Variants in TTC28 observed in about 807,000 individuals in gnomAD.
The protein encoded by TTC28 is tetratricopeptide repeat protein 28.
Under a neutral mutation model 198.0 loss-of-function variants are expected in TTC28, and 61 were observed. The ratio of observed to expected loss-of-function variants is 0.31; its 90% confidence interval spans 0.25 to 0.38. The LOEUF is 0.38. Among genes scored for constraint, TTC28 ranks in the 10% least tolerant of loss-of-function variants. The pLI is 1.00. For missense variants in TTC28, 2,678 were observed against 3,164.0 expected (o/e 0.85, Z 3.69); for synonymous variants, 1,171 against 1,297.8 (o/e 0.90, Z 2.10).
chr22:28,336,542 C>A (rs1420032412), intron 2 of TTC28, among the ~76,000 whole-genome samples: 3 of 152,118 alleles, frequency 2.0e-5, no homozygotes, highest in African/African-American at 4.8e-5. Flanking sequence ...TTCAGAGATT[C>A]AACTTCTTCC....
At chr22:28,604,822 T>C (rs989208063) in intron 2 of TTC28, among the ~76,000 whole-genome samples, 2 of 152,150 alleles carry the variant, frequency 1.3e-5, no homozygotes, top group Non-Finnish European at 2.9e-5. Context: ...TAGAAACCTT[T>C]AAAAGTTGTG....
At chr22:27,985,530 G>T (rs1477544058) in intron 21 of TTC28, among the ~76,000 whole-genome samples, 174 bp from the exon 22 acceptor site, 1 of 152,212 alleles carries the variant, frequency 6.6e-6, no homozygotes, top group Non-Finnish European at 1.5e-5. Flanking sequence ...GTGGCAGAGG[G>T]GTCGGGCTGC....
chr22:28,009,224 A>G (rs573006453), intron 14 of TTC28, among the ~76,000 whole-genome samples: 1 of 152,198 alleles, frequency 6.6e-6, no homozygotes, highest in Non-Finnish European at 1.5e-5. Flanking sequence ...GGCCAAATTA[A>G]ATCACATACT....
intron 2 of TTC28, among the ~76,000 whole-genome samples, chr22:28,371,581 CAAAAAAAAAA>C (rs147727536): frequency 0.021 from 677 of 32,640 alleles, 68 homozygotes; most frequent in African/African-American, 0.077. Context: ...TCATCTTAAC[CAAAAAAAAAA>C]AAAAAAATTT....
chr22:28,284,332 C>A (rs1381057499), intron 5 of TTC28, among the ~76,000 whole-genome samples: 1 of 152,104 alleles, frequency 6.6e-6, no homozygotes, highest in Non-Finnish European at 1.5e-5. Context: ...AGTGCTGTAA[C>A]TAAGGGATCA....
intron 5 of TTC28, among the ~76,000 whole-genome samples, chr22:28,212,342 G>C (rs2147183008): frequency 6.6e-6 from 1 of 151,262 alleles, no homozygotes; most frequent in African/African-American, 2.4e-5. Context: ...CCAGGAGCTG[G>C]TTTTTTGAAA....
intron 2 of TTC28, among the ~76,000 whole-genome samples, chr22:28,330,884 T>C (rs910652526): frequency 1.3e-4 from 20 of 152,218 alleles, no homozygotes; most frequent in Admixed American, 1.3e-3. Context: ...AATGTGGGTC[T>C]TCCCCAGCTT....
At chr22:27,999,371 T>C (rs1937613943) in intron 15 of TTC28, 111 bp from the exon 16 acceptor site, 4 of 1,405,884 alleles carry the variant, frequency 2.8e-6, no homozygotes, top group Admixed American at 2.8e-5. Context: ...TGAGCTTGAA[T>C]CCACCTGTTT....
chr22:28,363,985 G>C (rs1041310909), intron 2 of TTC28, among the ~76,000 whole-genome samples: 1 of 152,098 alleles, frequency 6.6e-6, no homozygotes, highest in Non-Finnish European at 1.5e-5. Flanking sequence ...GTGGACTTTT[G>C]AGTTAATACT....
rs1016734250 is a variant in TTC28, at chr22:28,084,297, C to A, written c.3932+9783G>T. On this transcript the variant is annotated intron_variant, in intron 12 of 22. Coordinates refer to ENST00000397906, the MANE Select transcript of TTC28 (RefSeq NM_001145418.2). The stretch of plus-strand genomic sequence containing the variant: ...GACTGATACCTCACATGGCTGGGTA[C>A]TCCTCTGAGACAAAACTTCCAGAGG... Among the ~76,000 whole-genome samples, 13 of 152,316 alleles carry A rather than the reference C, an allele frequency of 8.5e-5. 1 individual carries two copies. Among genetic ancestry groups the A allele is most frequent in the African/African-American group, 3.1e-4 (13 of 41,582 alleles).
intron 2 of TTC28, among the ~76,000 whole-genome samples, chr22:28,368,949 T>A (rs890092784): frequency 2.0e-5 from 3 of 152,028 alleles, no homozygotes; most frequent in African/African-American, 7.2e-5. Flanking sequence ...TCAATATTGT[T>A]AAAATGTCCA....
At chr22:28,553,869 G>A (rs370235299) in intron 2 of TTC28, among the ~76,000 whole-genome samples, 1 of 152,276 alleles carries the variant, frequency 6.6e-6, no homozygotes. Context: ...CCGTCTGGGA[G>A]GTGTGCCCAG....
At chr22:28,469,349 T>C (rs562851719) in intron 2 of TTC28, among the ~76,000 whole-genome samples, 1 of 152,308 alleles carries the variant, frequency 6.6e-6, no homozygotes, top group African/African-American at 2.4e-5. Context: ...GAAAGAAAAG[T>C]AGCAGTAAGA....
At chr22:28,334,691 A>C (rs1194035372) in intron 2 of TTC28, among the ~76,000 whole-genome samples, 1 of 152,116 alleles carries the variant, frequency 6.6e-6, no homozygotes, top group Non-Finnish European at 1.5e-5. Context: ...CCACTTGTTA[A>C]TGGGGTTATT....
At chr22:28,663,255 AAAAAAAAAGAAAG>A (rs1164540093) in intron 1 of TTC28, among the ~76,000 whole-genome samples, 1 of 151,864 alleles carries the variant, frequency 6.6e-6, no homozygotes, top group Non-Finnish European at 1.5e-5. Context: ...CTCAAAAAAA[AAAAAAAAAGAAAG>A]AAAGAAAGAA....
At chr22:28,509,191 CAAA>C (rs796909640) in intron 2 of TTC28, among the ~76,000 whole-genome samples, 7 of 96,668 alleles carry the variant, frequency 7.2e-5, no homozygotes, top group East Asian at 3.2e-4. Context: ...ATTCTGCCTT[CAAA>C]AAAAAAAAAA....
intron 2 of TTC28, among the ~76,000 whole-genome samples, chr22:28,480,766 GAAAAAAATACAGA>G: frequency 6.6e-6 from 1 of 151,532 alleles, no homozygotes; most frequent in East Asian, 1.9e-4. Flanking sequence ...AACCAAGAAG[GAAAAAAATACAGA>G]AAAAAAATAC....
chr22:28,527,370 T>C (rs1165642424), intron 2 of TTC28, among the ~76,000 whole-genome samples: 2 of 152,210 alleles, frequency 1.3e-5, no homozygotes, highest in Non-Finnish European at 2.9e-5. Context: ...CATGCATTAA[T>C]GCCGCCTCTT....
chr22:28,441,281 A>C (rs1004377682), intron 2 of TTC28, among the ~76,000 whole-genome samples: 2 of 152,208 alleles, frequency 1.3e-5, no homozygotes, highest in African/African-American at 4.8e-5. Flanking sequence ...GACATCTTAA[A>C]ACTACTCATA....
Sources: allele counts gnomAD v4.1 joint callset (sites outside exome capture counted in the v4.1 genomes callset), GRCh38; gene constraint gnomAD v4.1.1; transcripts MANE v1.5; gene names NCBI Gene and HGNC (gene_info 2026-07-23, HGNC 2026-07-21).